GABBR2: variants seen among roughly 807,000 people sequenced by gnomAD.
GABBR2 encodes gamma-aminobutyric acid type B receptor subunit 2, also known as G-protein coupled receptor 51.
GABBR2 carries 23 observed loss-of-function variants against 105.6 expected under a neutral mutation model. The ratio of observed to expected loss-of-function variants is 0.22; its 90% CI spans 0.16 to 0.31. GABBR2 has a LOEUF of 0.31. GABBR2 is among the 10% of genes least tolerant of loss of function. GABBR2 has a pLI of 1.00. For synonymous variants in GABBR2, 478 were observed against 499.7 expected (o/e 0.96, Z 0.58); for missense variants, 734 against 1,245.5 (o/e 0.59, Z 6.18).
rs371930939 is a variant in GABBR2 at position 98,694,836 on chromosome 9, A to G, written c.321+13581T>C. Among the ~76,000 whole-genome samples, 30 of 152,356 alleles carry G rather than the reference A, an allele frequency of 2.0e-4. No individual in the cohort carries two copies. The East Asian group carries it at 5.8e-3, about 29-fold the overall frequency. ...TTTATAGGTGATAAAACTAAGGTGC[A>G]GAGAAGTTAAATGACTAGCTCAAGG... On this transcript the variant is annotated intron_variant, in intron 1 of 18. Coordinates refer to ENST00000259455, the MANE Select transcript of GABBR2 (RefSeq NM_005458.8).
chr9:98,392,148 G>A (rs1194556206), intron 9 of GABBR2, among the ~76,000 whole-genome samples: 1 of 152,194 alleles, frequency 6.6e-6, no homozygotes, highest in Non-Finnish European at 1.5e-5. Context: ...CCTGGGGGCA[G>A]AGCCCGGGGC....
At chr9:98,507,137 A>G (rs1827529118) in intron 3 of GABBR2, among the ~76,000 whole-genome samples, 1 of 152,190 alleles carries the variant, frequency 6.6e-6, no homozygotes, top group South Asian at 2.1e-4. Flanking sequence ...TAGAAATTCC[A>G]AAGAATCATC....
chr9:98,379,970 C>CTT (rs879488907), intron 11 of GABBR2, among the ~76,000 whole-genome samples: 1 of 144,972 alleles, frequency 6.9e-6, no homozygotes. Flanking sequence ...ACTTAGTTGA[C>CTT]TTTTTTTTTT....
In GABBR2 at chr9:98,708,460, A is replaced by G; in HGVS notation, c.278T>C (p.Leu93Pro). The change falls in exon 1 of 19, where the codon CTC becomes CCC. Residue 93 changes from leucine to proline, a missense_variant. Leu to Pro is a moderately conservative substitution (Grantham distance 98). Around this residue, in one of 7 missense-constraint regions of GABBR2, gnomAD observed 370 missense variants for 648.9 expected, o/e 0.57. Transcript: ENST00000259455. ...CAGGTCGAGGAAGTAGGGGCGCAGG[A>G]GTGACTCGTTGCGGATCTGCTCGAT... Reference protein sequence around the residue: ...LAIEQIRNESLLRPYFLDLRL... With the variant: ...LAIEQIRNESPLRPYFLDLRL... 1 of 1,575,250 alleles carries G rather than the reference A, an allele frequency of 6.3e-7. No individual in the cohort carries two copies. Among genetic ancestry groups the G allele is most frequent in the Non-Finnish European group, 8.6e-7 (1 of 1,158,744 alleles).
chr9:98,329,052 G>T (rs958985086), intron 13 of GABBR2, among the ~76,000 whole-genome samples: 1 of 152,172 alleles, frequency 6.6e-6, no homozygotes, highest in African/African-American at 2.4e-5. Context: ...TATGTATAAA[G>T]CCCCTAGACC....
chr9:98,431,496 A>C (rs75613093), intron 7 of GABBR2, among the ~76,000 whole-genome samples: 265 of 152,206 alleles, frequency 1.7e-3, no homozygotes, highest in Non-Finnish European at 2.9e-3. Context: ...AGAAAAAAAA[A>C]CCCACATAAG....
chr9:98,447,354 C>T lies in GABBR2; in HGVS notation c.1236+6627G>A, dbSNP rs573106110. On this transcript the variant is annotated intron_variant, in intron 7 of 18. Transcript: ENST00000259455. ...CTGGGATTACAGGCGTGAGCCACCG[C>T]GCCCGGCCCCTAAAAAAGACTTCTA... Among the ~76,000 whole-genome samples the T allele has an allele frequency of 5.3e-5, 8 of 151,952 alleles. 1 individual carries two copies. The highest frequency in any genetic ancestry group is 2.1e-4 in the South Asian group (1 of 4,772).
intron 2 of GABBR2, among the ~76,000 whole-genome samples, chr9:98,561,006 A>G (rs1828666821): frequency 6.6e-6 from 1 of 151,974 alleles, no homozygotes; most frequent in Non-Finnish European, 1.5e-5. Context: ...TGCGTAGTCC[A>G]TATTCAAATT....
chr9:98,438,637 C>T (rs1825976495), intron 7 of GABBR2, among the ~76,000 whole-genome samples: 1 of 152,136 alleles, frequency 6.6e-6, no homozygotes, highest in African/African-American at 2.4e-5. Context: ...CTACATTGTG[C>T]TGCTGGGGTC....
chr9:98,365,304 G>T (rs1050463948), intron 12 of GABBR2, among the ~76,000 whole-genome samples: 3 of 152,224 alleles, frequency 2.0e-5, no homozygotes, highest in African/African-American at 7.2e-5. Context: ...GCACAGAGAA[G>T]ATGATCAACA....
intron 1 of GABBR2, among the ~76,000 whole-genome samples, chr9:98,665,103 C>A (rs1023634389): frequency 6.6e-6 from 1 of 151,874 alleles, no homozygotes; most frequent in African/African-American, 2.4e-5. Flanking sequence ...TCTGTTTCTA[C>A]ATAAAATTTT....
intron 3 of GABBR2, among the ~76,000 whole-genome samples, chr9:98,530,938 C>A (rs577986885): frequency 6.6e-6 from 1 of 152,254 alleles, no homozygotes; most frequent in East Asian, 1.9e-4. Flanking sequence ...AGGGTTGCTT[C>A]GCAAGGCTTG....
chr9:98,438,220 T>C (rs923156166), intron 7 of GABBR2, among the ~76,000 whole-genome samples: 1 of 150,646 alleles, frequency 6.6e-6, no homozygotes, highest in East Asian at 2.0e-4. Context: ...TCCATCCATC[T>C]ATATCTATAC....
At chr9:98,614,230 A>G (rs1363164965) in intron 1 of GABBR2, among the ~76,000 whole-genome samples, 1 of 152,374 alleles carries the variant, frequency 6.6e-6, no homozygotes, top group East Asian at 1.9e-4. Context: ...CCACCTATTA[A>G]AAGATAAACT....
chr9:98,633,808 A>G (rs564548853), intron 1 of GABBR2, among the ~76,000 whole-genome samples: 157 of 152,164 alleles, frequency 1.0e-3, no homozygotes, highest in African/African-American at 3.7e-3. Context: ...GTGGATGGAG[A>G]GTCCCCAAGT....
chr9:98,681,046 G>A (rs1208572422), intron 1 of GABBR2, among the ~76,000 whole-genome samples: 2 of 151,772 alleles, frequency 1.3e-5, no homozygotes, highest in Non-Finnish European at 2.9e-5. Context: ...ACTCCTCAGG[G>A]ATCTAGAACT....
At chr9:98,390,952 T>C (rs1244665187) in intron 9 of GABBR2, among the ~76,000 whole-genome samples, 1 of 152,194 alleles carries the variant, frequency 6.6e-6, no homozygotes, top group Non-Finnish European at 1.5e-5. Flanking sequence ...ATTAAGACTT[T>C]GTGGAAACCA....
At chr9:98,408,941 G>A (rs753738056) in intron 7 of GABBR2, among the ~76,000 whole-genome samples, 1 of 152,158 alleles carries the variant, frequency 6.6e-6, no homozygotes, top group Non-Finnish European at 1.5e-5. Flanking sequence ...ATTACACCCA[G>A]GTAATTTACT....
chr9:98,606,653 T>G (rs1829427049), intron 1 of GABBR2, among the ~76,000 whole-genome samples: 1 of 151,854 alleles, frequency 6.6e-6, no homozygotes, highest in African/African-American at 2.4e-5. Flanking sequence ...GTCGATTTTG[T>G]ATTTTTAGTA....
Sources: allele counts gnomAD v4.1 joint callset (sites outside exome capture counted in the v4.1 genomes callset), GRCh38; gene constraint gnomAD v4.1.1; regional missense constraint gnomAD v4.1.1; transcripts MANE v1.5; gene names NCBI Gene and HGNC (gene_info 2026-07-23, HGNC 2026-07-21).